The following MYO1B variants were observed in gnomAD, a reference collection of about 807,000 sequenced individuals.
MYO1B encodes myosin IB.
MYO1B carries 72 observed loss-of-function variants against 159.7 expected under a neutral mutation model. The observed-to-expected ratio is 0.45, with a 90% CI of 0.37 to 0.55. MYO1B has a LOEUF of 0.55. MYO1B is among the 20% of genes least tolerant of loss of function. The pLI is 0.00. For missense variants in MYO1B, 1,062 were observed against 1,364.8 expected, an observed-to-expected ratio of 0.78 and a Z score of 3.50; for synonymous variants, 468 against 473.8, an observed-to-expected ratio of 0.99 and a Z score of 0.16.
rs116578370 is a variant in MYO1B, at chr2:191,292,670, A to G, written c.136-3441A>G. ...GAGGCATGTTCGACCCCCACTTCCC[A>G]TCATGGCCTGAACCAATCTTTCAGG... is the stretch of plus-strand genomic sequence containing the variant. On this transcript the variant is annotated intron_variant, in intron 2 of 30. Transcript: ENST00000392318. 3.2e-3 allele frequency among the ~76,000 whole-genome samples: 477 copies of G among 149,332 alleles called. 1 individual carries two copies. Among genetic ancestry groups the G allele is most frequent in the African/African-American group, 0.012 (459 of 38,774 alleles).
At chr2:191,306,569 G>A (rs1019086763) in intron 3 of MYO1B, among the ~76,000 whole-genome samples, 4 of 152,122 alleles carry the variant, frequency 2.6e-5, no homozygotes, top group Non-Finnish European at 5.9e-5. Flanking sequence ...GTTTAGGGAC[G>A]TGGTAGGCTT....
intron 13 of MYO1B, chr2:191,377,754 AT>A (rs1423256280): frequency 1.3e-5 from 2 of 152,182 alleles, no homozygotes; most frequent in Non-Finnish European, 2.9e-5. Context: ...TATTCCTTAA[AT>A]TTTTGAAAGT....
At chr2:191,252,037 T>A (rs1300607007) in intron 1 of MYO1B, among the ~76,000 whole-genome samples, 2 of 152,244 alleles carry the variant, frequency 1.3e-5, no homozygotes, top group African/African-American at 2.4e-5. Context: ...CCCTTAAAAG[T>A]ACTTCAGAGT....
At chr2:191,299,400 CT>C (rs1689172197) in intron 3 of MYO1B, among the ~76,000 whole-genome samples, 1 of 152,196 alleles carries the variant, frequency 6.6e-6, no homozygotes, top group Non-Finnish European at 1.5e-5. Context: ...TCCCATCTTG[CT>C]TGTTCTGTCA....
At chr2:191,346,058 T>C (rs1047583491) in intron 5 of MYO1B, among the ~76,000 whole-genome samples, 178 bp from the exon 6 acceptor site, 1 of 152,232 alleles carries the variant, frequency 6.6e-6, no homozygotes, top group Non-Finnish European at 1.5e-5. Flanking sequence ...ACATGGAAGC[T>C]TTAGCAACTT....
intron 1 of MYO1B, among the ~76,000 whole-genome samples, chr2:191,268,366 C>G (rs908518260): frequency 6.6e-6 from 1 of 152,082 alleles, no homozygotes; most frequent in Non-Finnish European, 1.5e-5. Context: ...TTCATGGGGG[C>G]CTCACCCTCC....
At chr2:191,255,118 G>A (rs1010283594) in intron 1 of MYO1B, among the ~76,000 whole-genome samples, 3 of 151,616 alleles carry the variant, frequency 2.0e-5, no homozygotes, top group Non-Finnish European at 4.4e-5. Flanking sequence ...TTGTGGAGAC[G>A]GGGTCTTTCT....
rs1200674348 is a variant in MYO1B at position 191,358,600 on chromosome 2, G to A, written c.563-2031G>A. On this transcript the variant is annotated intron_variant, in intron 7 of 30. Coordinates refer to ENST00000392318, the MANE Select transcript of MYO1B (RefSeq NM_001130158.3). ...ACATTAGACTGGCCAGTGTGTTGCT[G>A]TTGCACAGTGTAGTGTTGTCACGGG... Among the ~76,000 whole-genome samples the A allele has an allele frequency of 2.0e-5, 3 of 152,366 alleles. No individual in the cohort carries two copies. In the East Asian group the frequency reaches 5.8e-4, roughly 29 times the overall value.
chr2:191,333,057 G>A (rs1691594883), intron 4 of MYO1B, among the ~76,000 whole-genome samples: 1 of 152,170 alleles, frequency 6.6e-6, no homozygotes, highest in Admixed American at 6.5e-5. Context: ...ACACTGAATA[G>A]GACTGGGCCA....
At chr2:191,271,931 G>T (rs868199207) in intron 1 of MYO1B, among the ~76,000 whole-genome samples, 10 of 152,264 alleles carry the variant, frequency 6.6e-5, no homozygotes, top group Middle Eastern at 6.8e-3. Context: ...GCAATTTAAG[G>T]TTAGTGATTG....
At chr2:191,276,767 T>C in intron 1 of MYO1B, 120 bp from the exon 2 acceptor site, 1 of 1,213,970 alleles carries the variant, frequency 8.2e-7, no homozygotes. Flanking sequence ...GGTTATGACA[T>C]TTTTTAAGGC....
At chr2:191,336,812 A>C (rs1691880753) in intron 4 of MYO1B, among the ~76,000 whole-genome samples, 1 of 152,300 alleles carries the variant, frequency 6.6e-6, no homozygotes, top group Admixed American at 6.5e-5. Flanking sequence ...ACTCTGGTCT[A>C]GGGCTCTGAA....
chr2:191,331,908 C>T (rs750028156), intron 4 of MYO1B, among the ~76,000 whole-genome samples: 1 of 152,190 alleles, frequency 6.6e-6, no homozygotes. Context: ...CATGAAATTG[C>T]ATACCAAAAA....
At chr2:191,399,389 A>G (rs993469867) in intron 21 of MYO1B, among the ~76,000 whole-genome samples, 1 of 152,240 alleles carries the variant, frequency 6.6e-6, no homozygotes, top group African/African-American at 2.4e-5. Flanking sequence ...TTTTATTGGA[A>G]CACAGCCACA....
intron 27 of MYO1B, among the ~76,000 whole-genome samples, chr2:191,412,682 C>T (rs1325249616): frequency 6.6e-6 from 1 of 152,214 alleles, no homozygotes; most frequent in Non-Finnish European, 1.5e-5. Flanking sequence ...ATTGCCAGAA[C>T]TTTGTAGCTC....
intron 30 of MYO1B, among the ~76,000 whole-genome samples, chr2:191,421,696 G>A (rs190479221): frequency 4.1e-4 from 62 of 152,088 alleles, no homozygotes; most frequent in Admixed American, 1.6e-3. Context: ...GGCTGGTCTC[G>A]AACTCCTGGC....
chr2:191,304,028 G>A (rs908722809), intron 3 of MYO1B, among the ~76,000 whole-genome samples: 1 of 152,174 alleles, frequency 6.6e-6, no homozygotes, highest in Non-Finnish European at 1.5e-5. Flanking sequence ...GGGGATATTT[G>A]TTTGATTCTG....
intron 18 of MYO1B, among the ~76,000 whole-genome samples, chr2:191,391,210 G>T (rs1408400023): frequency 1.3e-5 from 2 of 152,320 alleles, no homozygotes; most frequent in East Asian, 1.9e-4. Flanking sequence ...GCTGAAGAAG[G>T]CTTGCCCCTG....
At chr2:191,371,135 AT>A (rs1694338340) in intron 13 of MYO1B, 2 of 152,130 alleles carry the variant, frequency 1.3e-5, no homozygotes, top group South Asian at 2.1e-4. Context: ...TAGGAGTGGT[AT>A]TTTAGTTTGG....
Sources: allele counts gnomAD v4.1 joint callset (sites outside exome capture counted in the v4.1 genomes callset), GRCh38; gene constraint gnomAD v4.1.1; transcripts MANE v1.5; gene names NCBI Gene and HGNC (gene_info 2026-07-23, HGNC 2026-07-21).